SMCHD1: variants seen among roughly 807,000 people sequenced by gnomAD.
SMCHD1 encodes structural maintenance of chromosomes flexible hinge domain-containing protein 1.
A neutral mutation model predicts 254.7 loss-of-function variants in SMCHD1; 78 were observed. That is an observed-to-expected ratio of 0.31 (90% CI 0.26 to 0.37). The LOEUF (loss-of-function observed/expected upper bound fraction) is 0.37. Ranked by LOEUF, SMCHD1 falls within the 10% of genes least tolerant of loss-of-function variation. SMCHD1 has a pLI of 1.00. For missense variants in SMCHD1, 1,840 were observed against 2,408.1 expected (o/e 0.76, Z 4.94); for synonymous variants, 766 against 794.9 (o/e 0.96, Z 0.61).
In SMCHD1 at chr18:2,673,380, G is replaced by A. The variant is rs771404268; in HGVS notation, c.507+17G>A. 17 of 1,420,508 alleles carry A rather than the reference G, an allele frequency of 1.2e-5. No homozygotes were observed. The South Asian group carries it at 2.6e-4, about 22-fold the overall frequency. 88.0% of individuals were successfully genotyped at this position (1,420,508 alleles called of 1,614,324 possible). ...ATCAAATTGGTAAGGAAATAATACT[G>A]TAAAGCAATTTAACTTTTCCTTTTG... On this transcript the variant is annotated intron_variant, in intron 4 of 47. Transcript: ENST00000320876.
chr18:2,656,177 C>T lies in SMCHD1; in HGVS notation c.102C>T (p.Arg34=). The T allele has an allele frequency of 6.6e-7, 1 of 1,510,522 alleles. No individual in the cohort carries two copies. Among genetic ancestry groups the T allele is most frequent in the Non-Finnish European group, 8.8e-7 (1 of 1,132,824 alleles). 93.6% of individuals were successfully genotyped at this position (1,510,522 alleles called of 1,614,324 possible). A position where few individuals can be genotyped will look rare whatever the true frequency, so the allele number is the denominator to read the frequency against. ...GHRTVYLFDR[R]EKESELGDRP... is the part of the protein sequence containing the mutation. ...GGACGGTGTACTTGTTTGATCGGCG[C>T]GAAAAGGAGTCCGAGCTCGGGGACC... Residue 34 remains arginine, a synonymous_variant, in exon 1 of 48, where the codon CGC becomes CGT. Coordinates refer to ENST00000320876, the MANE Select transcript of SMCHD1 (RefSeq NM_015295.3).
In SMCHD1 at chr18:2,718,116, G is replaced by T. The variant is rs905337756; in HGVS notation, c.2261-42G>T. The T allele has an allele frequency of 2.6e-5, 38 of 1,483,074 alleles. No homozygotes were observed. The highest frequency in any genetic ancestry group is 3.2e-5 in the Non-Finnish European group (35 of 1,080,034). The allele number at this position is 1,483,074 out of a possible 1,614,324, so 91.9% of individuals were successfully genotyped here. On this transcript the variant is annotated intron_variant, in intron 17 of 47. Transcript: ENST00000320876. This position sits in a 1 kb window ranked among gnomAD's most constrained non-coding sequence, Gnocchi z 4.6. The stretch of plus-strand genomic sequence containing the variant: ...CATTGCGTATTTCATGTTTTACGTT[G>T]AATTTCTCAAGACACTATTGTTTCT...
intron 36 of SMCHD1, among the ~76,000 whole-genome samples, chr18:2,763,146 C>T (rs1024302527): frequency 6.6e-6 from 1 of 152,212 alleles, no homozygotes; most frequent in African/African-American, 2.4e-5. Flanking sequence ...CTAGACATCT[C>T]TTCTTTTCCC....
intron 26 of SMCHD1, among the ~76,000 whole-genome samples, chr18:2,739,023 G>A (rs2075300937): frequency 6.6e-6 from 1 of 152,232 alleles, no homozygotes; most frequent in East Asian, 1.9e-4. Flanking sequence ...ATAACCTCTT[G>A]CACTTTAATT....
At chr18:2,746,131 G>A (rs2143586079) in intron 29 of SMCHD1, among the ~76,000 whole-genome samples, 1 of 152,024 alleles carries the variant, frequency 6.6e-6, no homozygotes, top group South Asian at 2.1e-4. Flanking sequence ...AAGACCAGGT[G>A]GGGCAACATA....
intron 36 of SMCHD1, among the ~76,000 whole-genome samples, chr18:2,762,619 AC>A (rs766571762): frequency 4.0e-5 from 6 of 151,478 alleles, no homozygotes; most frequent in Non-Finnish European, 8.8e-5. Context: ...AGCTGGGACC[AC>A]AAGGTGCACA....
At chr18:2,799,432 A>ACC (rs1158616882) in intron 47 of SMCHD1, among the ~76,000 whole-genome samples, 3 of 152,110 alleles carry the variant, frequency 2.0e-5, no homozygotes, top group Admixed American at 2.0e-4. Flanking sequence ...ATGCATCCTT[A>ACC]CCCCTATTCC....
At chr18:2,766,180 C>T (rs113444818) in intron 37 of SMCHD1, among the ~76,000 whole-genome samples, 134 of 152,102 alleles carry the variant, frequency 8.8e-4, no homozygotes, top group African/African-American at 3.1e-3. Flanking sequence ...TTTTTAGTAG[C>T]GACGGGGTTT....
chr18:2,782,163 T>TA (rs2076166743), intron 44 of SMCHD1, among the ~76,000 whole-genome samples: 1 of 152,210 alleles, frequency 6.6e-6, no homozygotes, highest in South Asian at 2.1e-4. Context: ...AAAAAGCTCT[T>TA]ATGACATTCC....
chr18:2,670,013 G>A (rs566752547), intron 3 of SMCHD1, among the ~76,000 whole-genome samples: 2 of 152,096 alleles, frequency 1.3e-5, no homozygotes, highest in East Asian at 1.9e-4. Flanking sequence ...AGGCACCATT[G>A]TATCACCCAG....
At chr18:2,658,380 C>T (rs1275737247) in intron 1 of SMCHD1, among the ~76,000 whole-genome samples, 2 of 152,160 alleles carry the variant, frequency 1.3e-5, no homozygotes, top group East Asian at 1.9e-4. Flanking sequence ...TAGTAAAGCT[C>T]AAGTTAGTAT....
chr18:2,656,812 C>A (rs961389877), intron 1 of SMCHD1, among the ~76,000 whole-genome samples: 5 of 152,150 alleles, frequency 3.3e-5, no homozygotes, highest in African/African-American at 9.7e-5. Context: ...GGGGATCCTT[C>A]CGCACGGAGA....
intron 37 of SMCHD1, chr18:2,764,230 G>A (rs1381324601): frequency 6.2e-6 from 1 of 160,362 alleles, no homozygotes; most frequent in Non-Finnish European, 1.4e-5. Context: ...ATTGTCACCT[G>A]TCAGAGATAA....
chr18:2,683,183 T>A (rs2073969127), intron 5 of SMCHD1, among the ~76,000 whole-genome samples: 1 of 152,234 alleles, frequency 6.6e-6, no homozygotes, highest in African/African-American at 2.4e-5. Context: ...TTTCAACTTA[T>A]TTCCTAGAAG....
At chr18:2,751,174 C>T in intron 32 of SMCHD1, 104 bp from the exon 33 acceptor site, 1 of 631,482 alleles carries the variant, frequency 1.6e-6, no homozygotes, top group East Asian at 3.2e-5. Flanking sequence ...ATAACGTGTG[C>T]TTTAAACATT....
At chr18:2,781,615 TA>T (rs1826640895) in intron 44 of SMCHD1, among the ~76,000 whole-genome samples, 1 of 152,104 alleles carries the variant, frequency 6.6e-6, no homozygotes, top group Admixed American at 6.5e-5. Flanking sequence ...ATATCTATAT[TA>T]ATAGTTGATT....
At chr18:2,768,669 T>TATA (rs2075917525) in intron 37 of SMCHD1, among the ~76,000 whole-genome samples, 1 of 113,316 alleles carries the variant, frequency 8.8e-6, no homozygotes, top group African/African-American at 2.8e-5. Context: ...TAGTATATAG[T>TATA]GTACTATATA....
Position 2,743,858 on chromosome 18 carries a change from T to G in SMCHD1, c.3731T>G (p.Phe1244Cys). Residue 1244 changes from phenylalanine to cysteine, a missense_variant, in exon 29 of 48, where the codon TTT becomes TGT. This residue lies in a region of SMCHD1 where 881 missense variants were observed against 1,009.5 expected (regional missense o/e 0.87). Coordinates refer to ENST00000320876, the MANE Select transcript of SMCHD1 (RefSeq NM_015295.3). The stretch of plus-strand genomic sequence containing the variant: ...TTTACTTGGCGTGAGTTTTCTGACT[T>G]TATTCGAGTGCAACTAATTTCTGGA... ...LCFTWREFSD[F>C]IRVQLISGPP... The G allele has an allele frequency of 6.2e-7, 1 of 1,613,316 alleles. No individual in the cohort carries two copies. Among genetic ancestry groups the G allele is most frequent in the Non-Finnish European group, 8.5e-7 (1 of 1,179,588 alleles).
In SMCHD1 at chr18:2,688,570, T is replaced by A; in HGVS notation, c.754-58T>A. 1.5e-5 allele frequency: 23 copies of A among 1,584,056 alleles called. 1 individual carries two copies. The South Asian group carries it at 2.4e-4, about 17-fold the overall frequency. On this transcript the variant is annotated intron_variant, in intron 6 of 47. Coordinates refer to ENST00000320876, the MANE Select transcript of SMCHD1 (RefSeq NM_015295.3). ...AAAATATTTTGAAGTTGACTCTGTC[T>A]AAATGCATTAACCAGTTTATTAGGA... is the stretch of plus-strand genomic sequence containing the variant.
Sources: allele counts gnomAD v4.1 joint callset (sites outside exome capture counted in the v4.1 genomes callset), GRCh38; gene constraint gnomAD v4.1.1; regional missense constraint gnomAD v4.1.1; non-coding constraint Gnocchi (gnomAD v3.1); transcripts MANE v1.5; gene names NCBI Gene and HGNC (gene_info 2026-07-23, HGNC 2026-07-21).